Variants in CGRRF1 observed in about 807,000 individuals in gnomAD.
CGRRF1 encodes cell growth regulator with ring finger domain 1.
In CGRRF1, 32 loss-of-function variants were observed where a neutral mutation model predicts 37.2. The observed-to-expected ratio is 0.86, with a 90% CI of 0.65 to 1.16. The LOEUF is 1.16. Ranked by LOEUF, CGRRF1 falls within the 50% of genes most tolerant of loss-of-function variation. The pLI is 0.00. For missense variants in CGRRF1, 391 were observed against 382.6 expected (o/e 1.02, Z -0.18); for synonymous variants, 141 against 140.3 (o/e 1.00, Z -0.04).
chr14:54,526,040 T>C (rs887292495), intron 2 of CGRRF1, among the ~76,000 whole-genome samples: 7 of 151,668 alleles, frequency 4.6e-5, no homozygotes, highest in African/African-American at 1.7e-4. Flanking sequence ...GAGGCTGCAG[T>C]GAGCTGAGAT....
In CGRRF1 at chr14:54,538,216, C is replaced by G. The variant is rs779860161; in HGVS notation, c.832C>G (p.Gln278Glu). The change falls in exon 6 of 6, where the codon CAG becomes GAG. Residue 278 changes from glutamine (Q) to glutamate (E), a missense_variant. Gln to Glu is a conservative substitution (Grantham distance 29). Transcript: ENST00000216420. ...GAACAGCAAGGACTGTGTTGTTTGC[C>G]AGAATGGGACTGTGAACTGGGTACT... Reference protein sequence around the residue: ...EENSKDCVVCQNGTVNWVLLP... With the variant: ...EENSKDCVVCENGTVNWVLLP... 1 of 1,614,012 alleles carries G rather than the reference C, an allele frequency of 6.2e-7. No homozygotes were observed. The highest frequency in any genetic ancestry group is 8.5e-7 in the Non-Finnish European group (1 of 1,180,036).
chr14:54,529,772 C>T (rs1250994890), intron 2 of CGRRF1, among the ~76,000 whole-genome samples: 2 of 151,746 alleles, frequency 1.3e-5, no homozygotes, highest in South Asian at 2.1e-4. Flanking sequence ...GTCTTAGAGT[C>T]GCCAAAAAAG....
chr14:54,510,710 G>A (rs2032115566), intron 1 of CGRRF1, among the ~76,000 whole-genome samples: 1 of 152,208 alleles, frequency 6.6e-6, no homozygotes, highest in South Asian at 2.1e-4. Flanking sequence ...TTGGAGACAA[G>A]GAGAATGGTC....
intron 1 of CGRRF1, among the ~76,000 whole-genome samples, chr14:54,514,331 C>G (rs1194521721): frequency 6.6e-6 from 1 of 152,178 alleles, no homozygotes; most frequent in African/African-American, 2.4e-5. Flanking sequence ...ATTTATTCAT[C>G]TGGGTATATT....
chr14:54,513,592 T>C (rs1478735689), intron 1 of CGRRF1, among the ~76,000 whole-genome samples: 3 of 150,746 alleles, frequency 2.0e-5, no homozygotes, highest in Non-Finnish European at 4.4e-5. Flanking sequence ...TTATGTTATG[T>C]TATGTTATGT....
chr14:54,529,044 A>G (rs147401459), intron 2 of CGRRF1, among the ~76,000 whole-genome samples: 10 of 152,342 alleles, frequency 6.6e-5, no homozygotes, highest in African/African-American at 2.4e-4. Context: ...AACAACTTCA[A>G]TAAAAGGATA....
intron 4 of CGRRF1, among the ~76,000 whole-genome samples, chr14:54,534,718 TATTG>T (rs1175088688): frequency 6.6e-6 from 1 of 152,140 alleles, no homozygotes; most frequent in Non-Finnish European, 1.5e-5. Flanking sequence ...TGTATGTGTG[TATTG>T]ATTGATTGGT....
intron 3 of CGRRF1, chr14:54,530,581 A>G: frequency 9.3e-7 from 1 of 1,071,538 alleles, no homozygotes; most frequent in Non-Finnish European, 1.3e-6. Flanking sequence ...CAGGAACAGT[A>G]TTTGTATCCT....
At chr14:54,527,126 C>G (rs370409525) in intron 2 of CGRRF1, among the ~76,000 whole-genome samples, 2 of 152,134 alleles carry the variant, frequency 1.3e-5, no homozygotes, top group East Asian at 3.9e-4. Flanking sequence ...AGCTACGTCC[C>G]AATTCTGTTA....
chr14:54,510,700 T>C (rs765112022), intron 1 of CGRRF1, among the ~76,000 whole-genome samples: 14 of 152,180 alleles, frequency 9.2e-5, no homozygotes, highest in Non-Finnish European at 1.9e-4. Context: ...CAGTTGCCTA[T>C]TGGAGACAAG....
intron 4 of CGRRF1, among the ~76,000 whole-genome samples, chr14:54,534,741 G>T (rs2032573404): frequency 6.6e-6 from 1 of 152,078 alleles, no homozygotes; most frequent in Non-Finnish European, 1.5e-5. Context: ...GTTGAGATAG[G>T]ATCTTGCTCT....
intron 1 of CGRRF1, among the ~76,000 whole-genome samples, chr14:54,511,466 A>G (rs1594644583): frequency 6.6e-6 from 1 of 152,364 alleles, no homozygotes; most frequent in East Asian, 1.9e-4. Flanking sequence ...CAGTCTTAAC[A>G]CAAGATTTTT....
chr14:54,512,045 C>T (rs1399363458), intron 1 of CGRRF1, among the ~76,000 whole-genome samples: 1 of 152,204 alleles, frequency 6.6e-6, no homozygotes, highest in Non-Finnish European at 1.5e-5. Flanking sequence ...CCATCTAAAT[C>T]GCATAAAAAC....
Position 54,510,029 on chromosome 14 carries a change from T to C in CGRRF1, c.70T>C (p.Cys24Arg). ...PLFYIAVVFT[C>R]FIVTTGLVLG... ...TTTCTACATCGCGGTGGTCTTTACC[T>C]GCTTCATCGTGACCACCGGCCTGGT... The change falls in exon 1 of 6, where the codon TGC (cysteine) becomes CGC (arginine). Residue 24 changes from cysteine (C) to arginine (R), a missense_variant. By Grantham distance (180) the Cys-to-Arg change is radical (BLOSUM62 -3). Coordinates refer to ENST00000216420, the MANE Select transcript of CGRRF1 (RefSeq NM_006568.3). 1.2e-6 allele frequency: 2 copies of C among 1,613,386 alleles called. No individual in the cohort carries two copies. Among genetic ancestry groups the C allele is most frequent in the Non-Finnish European group, 1.7e-6 (2 of 1,179,388 alleles).
intron 1 of CGRRF1, among the ~76,000 whole-genome samples, chr14:54,519,859 C>T (rs1298057057): frequency 1.3e-5 from 2 of 152,368 alleles, no homozygotes; most frequent in African/African-American, 4.8e-5. Context: ...AGTGAACACA[C>T]ATCTGCCCAT....
chr14:54,527,722 G>C (rs373289367), intron 2 of CGRRF1, among the ~76,000 whole-genome samples: 12 of 150,626 alleles, frequency 8.0e-5, no homozygotes, highest in African/African-American at 2.9e-4. Context: ...TAAGCTGTAA[G>C]TTGAGTTTTA....
At chr14:54,526,698 G>A (rs1279316979) in intron 2 of CGRRF1, among the ~76,000 whole-genome samples, 1 of 152,106 alleles carries the variant, frequency 6.6e-6, no homozygotes, top group Non-Finnish European at 1.5e-5. Flanking sequence ...TTTGTAAATA[G>A]CTTCCTTATA....
At chr14:54,537,914 T>A in intron 5 of CGRRF1, 85 bp downstream of exon 5, 1 of 1,517,398 alleles carries the variant, frequency 6.6e-7, no homozygotes, top group Non-Finnish European at 8.8e-7. Context: ...GTGATTATAT[T>A]TTTCAGTTAA....
chr14:54,538,832 T>C lies in CGRRF1; in HGVS notation c.*449T>C, dbSNP rs1174436828. On this transcript the variant is annotated 3_prime_UTR_variant, in exon 6 of 6. Transcript: ENST00000216420. ...TTATACAAAGGAGTTGGAATGAGCT[T>C]CTTTAGATCTTTTCCTGAAATAACA... 6.5e-6 allele frequency: 1 copy of C among 154,102 alleles called. No homozygotes were observed. The highest frequency in any genetic ancestry group is 6.4e-5 in the Admixed American group (1 of 15,658). The allele number at this position is 154,102 out of a possible 1,614,324, so 9.5% of individuals were successfully genotyped here.
Sources: allele counts gnomAD v4.1 joint callset (sites outside exome capture counted in the v4.1 genomes callset), GRCh38; gene constraint gnomAD v4.1.1; transcripts MANE v1.5; gene names NCBI Gene and HGNC (gene_info 2026-07-23, HGNC 2026-07-21).